The following ANK2 variants were observed in gnomAD, a reference collection of about 807,000 sequenced individuals.
The protein encoded by ANK2 is ankyrin 2.
ANK2 carries 83 observed loss-of-function variants against 360.5 expected under a neutral mutation model. The observed-to-expected ratio is 0.23, with a 90% confidence interval of 0.19 to 0.28. The LOEUF is 0.28. Ranked by LOEUF, ANK2 falls within the 10% of genes least tolerant of loss-of-function variation. The pLI, the probability that ANK2 is intolerant of heterozygous loss-of-function variation, is 1.00. For missense variants in ANK2, 4,201 were observed against 4,795.7 expected (o/e 0.88, Z 3.66); for synonymous variants, 1,740 against 1,759.5 (o/e 0.99, Z 0.28).
At chr4:113,107,227 T>C (rs1442473968) in intron 1 of ANK2, among the ~76,000 whole-genome samples, 1 of 152,204 alleles carries the variant, frequency 6.6e-6, no homozygotes, top group African/African-American at 2.4e-5. Flanking sequence ...TTAGATTTTT[T>C]TTTTCTTGAG....
Position 113,330,441 on chromosome 4 carries a change from A to C in ANK2, c.3096A>C (p.Glu1032Asp). The change falls in exon 27 of 46, where the codon GAA becomes GAC. Residue 1032 changes from glutamate (E) to aspartate (D), a missense_variant. Transcript: ENST00000357077. ...AAGGCCTGGCCAGTCGCCTGATCGA[A>C]GTTGGACCTTCTGGTGCTCAGTTCC... ...EGEGLASRLI[E>D]VGPSGAQFLG... is the part of the protein sequence containing the mutation. 6.2e-7 allele frequency: 1 copy of C among 1,614,222 alleles called. No homozygotes were observed. The highest frequency in any genetic ancestry group is 8.5e-7 in the Non-Finnish European group (1 of 1,180,038).
chr4:113,155,373 G>A (rs10028798), intron 1 of ANK2, among the ~76,000 whole-genome samples: 53,941 of 151,834 alleles, frequency 0.36, 10,080 homozygotes, highest in East Asian at 0.54. Context: ...ATAGAACCAG[G>A]ATTAGAAAGG....
At chr4:112,821,499 A>ATTTT (rs952095787) in intron 1 of ANK2, among the ~76,000 whole-genome samples, 9 of 144,424 alleles carry the variant, frequency 6.2e-5, no homozygotes, top group Admixed American at 1.4e-4. Flanking sequence ...GACTACCCTA[A>ATTTT]TTTTTTTTTT....
the ANK2 span, among the ~76,000 whole-genome samples, chr4:112,810,189 A>G: frequency 1.7e-5 from 2 of 119,916 alleles, no homozygotes; most frequent in Admixed American, 2.0e-4. Flanking sequence ...TTTTGTAGCA[A>G]TGGGGTTTCA....
At chr4:113,369,360 C>T (rs1350424301) in intron 42 of ANK2, among the ~76,000 whole-genome samples, 154 bp from the exon 43 acceptor site, 2 of 152,180 alleles carry the variant, frequency 1.3e-5, no homozygotes, top group Non-Finnish European at 2.9e-5. Context: ...TATTATTTTT[C>T]TTCAAATGTC....
chr4:112,827,454 C>G, intron 1 of ANK2: 2 of 1,373,280 alleles, frequency 1.5e-6, no homozygotes, highest in Middle Eastern at 3.6e-4. Context: ...TAAAAGACAA[C>G]CTTCTTGCTT....
chr4:112,829,491 CAAA>C (rs60272903), intron 1 of ANK2, among the ~76,000 whole-genome samples: 5 of 60,728 alleles, frequency 8.2e-5, no homozygotes, highest in African/African-American at 1.6e-4. Context: ...CCCATCTCTA[CAAA>C]AAAAAAAAAA....
At chr4:113,123,281 TTAAAAA>T (rs1314496805) in intron 1 of ANK2, among the ~76,000 whole-genome samples, 1 of 152,090 alleles carries the variant, frequency 6.6e-6, no homozygotes, top group Non-Finnish European at 1.5e-5. Context: ...CACCAATTGA[TTAAAAA>T]TAATGATATT....
chr4:113,162,673 T>A (rs2107026), intron 1 of ANK2, among the ~76,000 whole-genome samples: 31,892 of 151,276 alleles, frequency 0.21, 3,616 homozygotes, highest in African/African-American at 0.27. Context: ...TGCCTCTACA[T>A]GGATCTCCCT....
intron 1 of ANK2, chr4:113,160,428 G>A (rs17590579): frequency 0.12 from 36,063 of 311,036 alleles, 4,095 homozygotes; most frequent in East Asian, 0.48. Context: ...GAATTAATAA[G>A]AGCAGATATA....
At chr4:113,314,713 T>G (rs2081855223) in intron 24 of ANK2, among the ~76,000 whole-genome samples, 1 of 152,206 alleles carries the variant, frequency 6.6e-6, no homozygotes, top group Admixed American at 6.5e-5. Context: ...AATTCTTTAG[T>G]TATTATTATT....
At chr4:112,894,317 A>C (rs1055641576) in intron 1 of ANK2, among the ~76,000 whole-genome samples, 2 of 152,200 alleles carry the variant, frequency 1.3e-5, no homozygotes, top group African/African-American at 2.4e-5. Flanking sequence ...ATTTATATAA[A>C]TAGAAGGAAT....
In ANK2 at chr4:113,287,652, T is replaced by G; in HGVS notation, c.2127T>G (p.Asn709Lys). The G allele has an allele frequency of 6.2e-7, 1 of 1,613,696 alleles. No individual in the cohort carries two copies. Among genetic ancestry groups the G allele is most frequent in the South Asian group, 1.1e-5 (1 of 91,070 alleles). ...LHLAAQEDKV[N>K]VADILTKHGA... ...TTGCAGCCCAGGAAGATAAAGTGAA[T>G]GTTGCTGATATTCTCACCAAGCATG... Residue 709 changes from asparagine to lysine, a missense_variant, in exon 19 of 46, where the codon AAT becomes AAG. Transcript: ENST00000357077.
At chr4:113,209,583 TGGCAGGGTGCCTAACAAGGAGGATCA>T (rs1337066114) in intron 4 of ANK2, among the ~76,000 whole-genome samples, 1 of 152,036 alleles carries the variant, frequency 6.6e-6, no homozygotes, top group Non-Finnish European at 1.5e-5. Context: ...AGGTGTTTAT[TGGCAGGGTGCCTAACAAGGAGGATCA>T]GGCAGCTCAT....
At chr4:112,852,924 A>C (rs548713041) in intron 1 of ANK2, among the ~76,000 whole-genome samples, 23 of 152,316 alleles carry the variant, frequency 1.5e-4, no homozygotes, top group African/African-American at 4.1e-4. Context: ...GTAATATTTA[A>C]AGTCACTTTG....
intron 1 of ANK2, among the ~76,000 whole-genome samples, chr4:112,896,415 A>C (rs2081756355): frequency 6.6e-6 from 1 of 152,212 alleles, no homozygotes; most frequent in Admixed American, 6.5e-5. Context: ...AGCAAGTAAC[A>C]ATTCTGAGAG....
chr4:112,903,686 A>G (rs1368977715), intron 1 of ANK2, among the ~76,000 whole-genome samples: 1 of 152,248 alleles, frequency 6.6e-6, no homozygotes, highest in Non-Finnish European at 1.5e-5. Flanking sequence ...AGATTTTGGC[A>G]TTAAAAACTT....
intron 2 of ANK2, among the ~76,000 whole-genome samples, chr4:112,934,450 C>T (rs1383330337): frequency 2.6e-5 from 4 of 152,190 alleles, no homozygotes; most frequent in Admixed American, 6.5e-5. Flanking sequence ...TTCTTTTCTT[C>T]TCCCTCCGGT....
chr4:113,322,991 T>G (rs1167481898), intron 26 of ANK2, among the ~76,000 whole-genome samples: 1 of 152,146 alleles, frequency 6.6e-6, no homozygotes, highest in Non-Finnish European at 1.5e-5. Flanking sequence ...TTAGTAAGGT[T>G]GGATTTCCGG....
Sources: allele counts gnomAD v4.1 joint callset (sites outside exome capture counted in the v4.1 genomes callset), GRCh38; gene constraint gnomAD v4.1.1; transcripts MANE v1.5; gene names NCBI Gene and HGNC (gene_info 2026-07-23, HGNC 2026-07-21).